The following ETS1 variants were observed in gnomAD, a reference collection of about 807,000 sequenced individuals.
ETS1 encodes the protein protein C-ets-1.
In ETS1, 15 loss-of-function variants were observed where a neutral mutation model predicts 58.6. That is an observed-to-expected ratio of 0.26 (90% CI 0.17 to 0.39). The LOEUF is 0.39. Among genes scored for constraint, ETS1 ranks in the 10% least tolerant of loss-of-function variants. The pLI is 1.00. For synonymous variants in ETS1, 214 were observed against 218.2 expected, an observed-to-expected ratio of 0.98 and a Z score of 0.17; for missense variants, 417 against 610.5, an observed-to-expected ratio of 0.68 and a Z score of 3.34.
rs1392809706 is a variant in ETS1 at position 128,484,995 on chromosome 11, C to T, written c.690G>A (p.Gln230=). 1 of 1,613,970 alleles carries T rather than the reference C, an allele frequency of 6.2e-7. No homozygotes were observed. The highest frequency in any genetic ancestry group is 1.7e-5 in the Admixed American group (1 of 60,006). The part of the protein sequence containing the change: ...SEPSFITESY[Q]TLHPISSEEL... Reference sequence around the variant, plus strand: ...CTTCCGAGCTGATGGGATGGAGCGTCTGATAGGACTCTGTGATGAAGCTGG... The same window carrying T: ...CTTCCGAGCTGATGGGATGGAGCGTTTGATAGGACTCTGTGATGAAGCTGG... Residue 230 remains glutamine (Q), a synonymous_variant, in exon 7 of 10, where the codon CAG becomes CAA. Coordinates refer to ENST00000392668, the MANE Select transcript of ETS1 (RefSeq NM_001143820.2).
At position 128,500,328 on chromosome 11, in the gene ETS1, T is replaced by C. The variant is rs541259500; in HGVS notation, c.215-9752A>G. ...GAGGCAACAACCGACTCCCAATTAA[T>C]GATGTTCAGAAAGCAACATTTTTTC... On this transcript the variant is annotated intron_variant, in intron 3 of 9. Coordinates refer to ENST00000392668, the MANE Select transcript of ETS1 (RefSeq NM_001143820.2). 3.3e-5 allele frequency among the ~76,000 whole-genome samples: 5 copies of C among 152,340 alleles called. No homozygotes were observed. In the South Asian group the frequency reaches 6.2e-4, roughly 19 times the overall value.
intron 3 of ETS1, chr11:128,530,533 A>C (rs1205475439): frequency 6.6e-6 from 1 of 152,228 alleles, no homozygotes; most frequent in African/African-American, 2.4e-5. Context: ...GTTGCTTCTT[A>C]ATGGAAACGT....
chr11:128,574,789 C>T (rs756028027), intron 1 of ETS1, among the ~76,000 whole-genome samples: 14 of 152,150 alleles, frequency 9.2e-5, no homozygotes, highest in Non-Finnish European at 1.5e-4. Flanking sequence ...ATCATCAAAC[C>T]ATATATCCCA....
chr11:128,510,873 C>T (rs1475656071), intron 3 of ETS1, among the ~76,000 whole-genome samples: 1 of 152,190 alleles, frequency 6.6e-6, no homozygotes, highest in African/African-American at 2.4e-5. Flanking sequence ...AATGCTCTGC[C>T]TCCCATAATG....
chr11:128,576,052 G>C (rs1864740123), intron 1 of ETS1, among the ~76,000 whole-genome samples: 1 of 152,208 alleles, frequency 6.6e-6, no homozygotes, highest in Admixed American at 6.5e-5. Flanking sequence ...AACATCTGGT[G>C]CACTCTGTGC....
chr11:128,539,436 C>A (rs571696515), intron 3 of ETS1, among the ~76,000 whole-genome samples: 1 of 152,110 alleles, frequency 6.6e-6, no homozygotes, highest in African/African-American at 2.4e-5. Flanking sequence ...CTGGTAAACA[C>A]GTGAGAAAAG....
chr11:128,512,806 G>A (rs1326479958), intron 3 of ETS1, among the ~76,000 whole-genome samples: 1 of 152,254 alleles, frequency 6.6e-6, no homozygotes, highest in Non-Finnish European at 1.5e-5. Flanking sequence ...AGGCAGGAGG[G>A]ACTGTTTCTG....
intron 1 of ETS1, among the ~76,000 whole-genome samples, chr11:128,574,166 G>T (rs1311130147): frequency 7.6e-6 from 1 of 132,180 alleles, no homozygotes; most frequent in African/African-American, 3.1e-5. Context: ...AGTTAAACAG[G>T]CTTGGCAATA....
At chr11:128,509,058 C>T (rs185558431) in intron 3 of ETS1, among the ~76,000 whole-genome samples, 333 of 152,228 alleles carry the variant, frequency 2.2e-3, no homozygotes, top group Non-Finnish European at 3.5e-3. Context: ...AAAACTAAAT[C>T]GCTGTTCGGT....
At chr11:128,481,368 A>C (rs1424917160) in intron 7 of ETS1, among the ~76,000 whole-genome samples, 1 of 152,052 alleles carries the variant, frequency 6.6e-6, no homozygotes. Flanking sequence ...CTATGATTGC[A>C]CAATAGCTCC....
intron 3 of ETS1, among the ~76,000 whole-genome samples, chr11:128,514,212 G>T (rs1036741231): frequency 6.6e-6 from 1 of 151,826 alleles, no homozygotes; most frequent in Non-Finnish European, 1.5e-5. Context: ...TGATACAGAG[G>T]TTTTAACAAC....
In ETS1 at chr11:128,548,343, T is replaced by A. The variant is rs34451099; in HGVS notation, c.214+7948A>T. On this transcript the variant is annotated intron_variant, in intron 3 of 9. Transcript: ENST00000392668. The stretch of plus-strand genomic sequence containing the variant: ...CACATTCAATACGTTTTTTTTTTTT[T>A]AATTTCTTCCTTCACAGTAATTCTG... Among the ~76,000 whole-genome samples the A allele has an allele frequency of 4.6e-3, 700 of 151,960 alleles. 7 individuals are homozygous for A. Among genetic ancestry groups the A allele is most frequent in the African/African-American group, 0.016 (668 of 41,442 alleles).
rs1012937960 is a variant in ETS1 at position 128,526,860 on chromosome 11, C to T, written c.214+29431G>A. ...AGAGCTCAATGGGAGTTTATCAGTG[C>T]TCTCCAAGTCCAGCACTCCTATTTA... On this transcript the variant is annotated intron_variant, in intron 3 of 9. Transcript: ENST00000392668. The T allele has an allele frequency of 3.1e-5, 14 of 453,180 alleles. 1 individual carries two copies. The highest frequency in any genetic ancestry group is 2.4e-4 in the African/African-American group (12 of 49,988). 28.1% of individuals were successfully genotyped at this position (453,180 alleles called of 1,614,324 possible). A position where few individuals can be genotyped will look rare whatever the true frequency, so the allele number is the denominator to read the frequency against.
In ETS1 at chr11:128,463,431, TC is replaced by T; in HGVS notation, c.1242+77del. The T allele has an allele frequency of 1.2e-6, 1 of 841,414 alleles. No individual in the cohort carries two copies. The allele number at this position is 841,414 out of a possible 1,614,324, so 52.1% of individuals were successfully genotyped here. A position where few individuals can be genotyped will look rare whatever the true frequency, so the allele number is the denominator to read the frequency against. On this transcript the variant is annotated intron_variant, in intron 9 of 9. Coordinates refer to ENST00000392668, the MANE Select transcript of ETS1 (RefSeq NM_001143820.2). This position sits in a 1 kb window ranked among gnomAD's most constrained non-coding sequence, Gnocchi z 4.1. ...GAATCCCAATCCTGGAACACGTCAT[TC>T]AGGCCCACGCCACCCCTTCCAGGAG...
chr11:128,488,841 T>C (rs546509843), intron 5 of ETS1, among the ~76,000 whole-genome samples: 1 of 152,312 alleles, frequency 6.6e-6, no homozygotes, highest in East Asian at 1.9e-4. Flanking sequence ...TCTGTCTTAT[T>C]AATACGGTCT....
chr11:128,538,463 A>G (rs1039167640), intron 3 of ETS1, among the ~76,000 whole-genome samples: 2 of 152,168 alleles, frequency 1.3e-5, no homozygotes, highest in Non-Finnish European at 2.9e-5. Context: ...AACATGCCCA[A>G]GGACCGGTAC....
At chr11:128,553,999 G>A (rs1214546546) in intron 3 of ETS1, among the ~76,000 whole-genome samples, 1 of 152,096 alleles carries the variant, frequency 6.6e-6, no homozygotes, top group Non-Finnish European at 1.5e-5. Context: ...CCAAGGAAAT[G>A]TACCACAGCT....
chr11:128,471,696 A>C (rs369435339), intron 8 of ETS1, among the ~76,000 whole-genome samples: 6 of 152,238 alleles, frequency 3.9e-5, no homozygotes, highest in African/African-American at 1.4e-4. Context: ...GAATTTTGTT[A>C]TAAACCAAAG....
At chr11:128,485,834 G>A (rs1305441607) in intron 6 of ETS1, among the ~76,000 whole-genome samples, 2 of 152,120 alleles carry the variant, frequency 1.3e-5, no homozygotes, top group Non-Finnish European at 2.9e-5. Flanking sequence ...TTCAGGTGAA[G>A]ACATCAGAGA....
Sources: gnomAD v4.1 joint callset for allele counts (sites outside exome capture counted in the v4.1 genomes callset) on GRCh38, gnomAD v4.1.1 for gene constraint, Gnocchi (gnomAD v3.1) non-coding constraint, MANE v1.5 for transcripts, NCBI Gene and HGNC (gene_info 2026-07-23, HGNC 2026-07-21) for gene names.